The following CTNNA2 variants were observed in gnomAD, a reference collection of about 807,000 sequenced individuals.
The protein encoded by CTNNA2 is catenin alpha-2.
In CTNNA2, 42 loss-of-function variants were observed where a neutral mutation model predicts 101.0. That is an observed-to-expected ratio of 0.42 (90% CI 0.32 to 0.54). CTNNA2 has a LOEUF of 0.54. Among genes scored for constraint, CTNNA2 ranks in the 20% least tolerant of loss-of-function variants. The pLI is 0.14. For missense variants in CTNNA2, 871 were observed against 1,223.1 expected, an observed-to-expected ratio of 0.71 and a Z score of 4.29; for synonymous variants, 450 against 456.4, an observed-to-expected ratio of 0.99 and a Z score of 0.18.
intron 7 of CTNNA2, among the ~76,000 whole-genome samples, chr2:80,330,943 T>G (rs1235244793): frequency 6.6e-6 from 1 of 152,092 alleles, no homozygotes; most frequent in African/African-American, 2.4e-5. Flanking sequence ...ACAAGGTACT[T>G]CATCAAAAAT....
intron 4 of CTNNA2, 120 bp downstream of exon 4, chr2:79,858,299 C>A: frequency 6.6e-6 from 4 of 607,624 alleles, no homozygotes; most frequent in Non-Finnish European, 1.0e-5. Context: ...TCATTACCTA[C>A]CCATGTGGTG....
At chr2:80,396,342 G>T (rs528663789) in intron 8 of CTNNA2, among the ~76,000 whole-genome samples, 138 of 152,262 alleles carry the variant, frequency 9.1e-4, no homozygotes, top group Non-Finnish European at 1.8e-3. Context: ...ATTTTGTTTA[G>T]AATCAAAAAT....
chr2:79,404,151 A>C (rs1042530449), intron 4 of CTNNA2, among the ~76,000 whole-genome samples: 10 of 152,060 alleles, frequency 6.6e-5, no homozygotes, highest in Non-Finnish European at 8.8e-5. Flanking sequence ...TGTAAAAAAA[A>C]AAAAGGGCAA....
chr2:79,708,442 C>G (rs1006297923), intron 2 of CTNNA2, among the ~76,000 whole-genome samples: 3 of 152,088 alleles, frequency 2.0e-5, no homozygotes, highest in African/African-American at 7.2e-5. Context: ...TTCATGAGAT[C>G]TGTGTTCTGG....
At chr2:80,313,277 A>G (rs1346324796) in intron 7 of CTNNA2, 4 of 772,848 alleles carry the variant, frequency 5.2e-6, no homozygotes, top group Non-Finnish European at 1.7e-6. Context: ...TCAATCTCTG[A>G]CAAGAATCTT....
At chr2:80,496,271 A>T (rs926508326) in intron 9 of CTNNA2, among the ~76,000 whole-genome samples, 1 of 152,062 alleles carries the variant, frequency 6.6e-6, no homozygotes, top group African/African-American at 2.4e-5. Context: ...ATATAGACAA[A>T]TTTCTCTTCT....
intron 7 of CTNNA2, among the ~76,000 whole-genome samples, chr2:80,052,030 GA>G (rs1572950419): frequency 6.6e-6 from 1 of 152,112 alleles, no homozygotes; most frequent in East Asian, 1.9e-4. Context: ...GTAGCTTCTT[GA>G]TTTTAAGGAC....
In CTNNA2 at chr2:80,286,520, A is replaced by G. The variant is rs117893462; in HGVS notation, c.1057-106691A>G. ...ATGAAGTAGCTACTTATAAAATATC[A>G]AATCATCACATGCTGTTGAGCATTT... On this transcript the variant is annotated intron_variant, in intron 7 of 18. Coordinates refer to ENST00000402739, the MANE Select transcript of CTNNA2 (RefSeq NM_001282597.3). 3.5e-4 allele frequency among the ~76,000 whole-genome samples: 53 copies of G among 152,266 alleles called. 1 individual carries two copies. The East Asian group carries it at 8.9e-3, about 26-fold the overall frequency.
intron 8 of CTNNA2, among the ~76,000 whole-genome samples, chr2:80,403,928 T>G (rs1678815833): frequency 6.6e-6 from 1 of 152,252 alleles, no homozygotes; most frequent in Non-Finnish European, 1.5e-5. Context: ...TTTGTGTATG[T>G]TGAACCAGCC....
chr2:79,898,497 G>A (rs985600905), intron 6 of CTNNA2, among the ~76,000 whole-genome samples: 6 of 152,108 alleles, frequency 3.9e-5, no homozygotes, highest in African/African-American at 1.4e-4. Flanking sequence ...ACAGCTACAA[G>A]TGCACGGGCC....
intron 7 of CTNNA2, among the ~76,000 whole-genome samples, chr2:80,067,847 G>A (rs749106534): frequency 6.6e-6 from 1 of 152,134 alleles, no homozygotes; most frequent in Non-Finnish European, 1.5e-5. Context: ...CTTGTCAACA[G>A]CAAGTACAAA....
chr2:80,162,968 T>C (rs1175940408), intron 7 of CTNNA2: 2 of 1,542,286 alleles, frequency 1.3e-6, no homozygotes, highest in African/African-American at 2.7e-5. Context: ...AACTGACATC[T>C]TGCGAGGCAT....
At chr2:79,342,900 G>A (rs1005353651) in intron 3 of CTNNA2, among the ~76,000 whole-genome samples, 2 of 152,120 alleles carry the variant, frequency 1.3e-5, no homozygotes, top group Non-Finnish European at 2.9e-5. Context: ...CTCTTTAAGG[G>A]GCTAGTCCCT....
chr2:79,352,127 T>C (rs1677402335), intron 3 of CTNNA2, among the ~76,000 whole-genome samples: 2 of 152,202 alleles, frequency 1.3e-5, no homozygotes, highest in Admixed American at 1.3e-4. Context: ...CTGATTGGTG[T>C]GAGATGATAT....
intron 3 of CTNNA2, among the ~76,000 whole-genome samples, chr2:79,754,498 G>T (rs761648125): frequency 6.6e-6 from 1 of 152,070 alleles, no homozygotes; most frequent in Non-Finnish European, 1.5e-5. Flanking sequence ...TCCTTCATTT[G>T]CCCTATAAAT....
At chr2:79,973,687 CTATG>C (rs1473310521) in intron 7 of CTNNA2, among the ~76,000 whole-genome samples, 7 of 152,046 alleles carry the variant, frequency 4.6e-5, no homozygotes, top group African/African-American at 1.7e-4. Context: ...GCATAGTAAA[CTATG>C]TATGTATTCA....
chr2:80,524,694 C>T (rs1258702891), intron 9 of CTNNA2, among the ~76,000 whole-genome samples: 1 of 152,150 alleles, frequency 6.6e-6, no homozygotes, highest in Non-Finnish European at 1.5e-5. Context: ...TTACCTCCTT[C>T]CCCATCTTAG....
intron 17 of CTNNA2, among the ~76,000 whole-genome samples, chr2:80,614,196 AG>A (rs1248197342): frequency 1.3e-5 from 2 of 151,440 alleles, no homozygotes; most frequent in Admixed American, 1.3e-4. Context: ...TACCTGGATG[AG>A]GGGAGGTGAT....
chr2:80,544,223 G>C (rs1412616261), intron 9 of CTNNA2, among the ~76,000 whole-genome samples: 1 of 151,446 alleles, frequency 6.6e-6, no homozygotes, highest in Non-Finnish European at 1.5e-5. Context: ...AGAGCCAACT[G>C]TTTGAAGACG....
Sources: allele counts gnomAD v4.1 joint callset (sites outside exome capture counted in the v4.1 genomes callset), GRCh38; gene constraint gnomAD v4.1.1; transcripts MANE v1.5; gene names NCBI Gene and HGNC (gene_info 2026-07-23, HGNC 2026-07-21).